Variants in CHID1 observed in about 807,000 individuals in gnomAD.
CHID1 encodes chitinase domain containing 1, also known as chitinase domain-containing protein 1.
In CHID1, 44 loss-of-function variants were observed where a neutral mutation model predicts 55.4. The ratio of observed to expected loss-of-function variants is 0.79; its 90% confidence interval spans 0.62 to 1.02. The LOEUF (loss-of-function observed/expected upper bound fraction) is 1.02, where lower values mean the gene tolerates loss of function less well. CHID1 is among the 50% of genes least tolerant of loss of function. CHID1 has a pLI of 0.00. For synonymous variants in CHID1, 216 were observed against 212.9 expected (o/e 1.01, Z -0.13); for missense variants, 491 against 515.3 (o/e 0.95, Z 0.46).
At chr11:909,421 A>G (rs951857936) in intron 1 of CHID1, among the ~76,000 whole-genome samples, 1 of 152,174 alleles carries the variant, frequency 6.6e-6, no homozygotes. Flanking sequence ...GCTCTGTAAC[A>G]AGATAAGGTG....
intron 7 of CHID1, among the ~76,000 whole-genome samples, chr11:893,859 C>T (rs1436485567): frequency 1.3e-4 from 19 of 151,750 alleles, no homozygotes; most frequent in African/African-American, 3.6e-4. Flanking sequence ...AAGCTGGGCA[C>T]GGTGGCTCAC....
chr11:888,571 G>A (rs868393619), intron 8 of CHID1, among the ~76,000 whole-genome samples: 9 of 152,236 alleles, frequency 5.9e-5, no homozygotes, highest in African/African-American at 1.2e-4. Flanking sequence ...CGTGACTTCC[G>A]ATGAACAGGA....
At chr11:894,077 G>A (rs1323546215) in intron 7 of CHID1, among the ~76,000 whole-genome samples, 34 of 126,602 alleles carry the variant, frequency 2.7e-4, no homozygotes, top group Non-Finnish European at 3.7e-4. Context: ...AGCTGAGATC[G>A]CACCACTGCA....
At chr11:882,297 C>T in intron 10 of CHID1, 1 of 152,236 alleles carries the variant, frequency 6.6e-6, no homozygotes, top group Admixed American at 6.5e-5. Context: ...TGCACTCCAG[C>T]CTGGGCGACA....
intron 11 of CHID1, 58 bp from the exon 12 acceptor site, chr11:870,221 TCA>T (rs1849073031): frequency 3.7e-6 from 6 of 1,607,302 alleles, no homozygotes; most frequent in Non-Finnish European, 5.1e-6. Flanking sequence ...CCTCCTCCCC[TCA>T]CAGCCAAGGT....
Position 875,288 on chromosome 11 carries a change from C to A in CHID1, c.960-4789G>T, listed in dbSNP as rs986933565. On this transcript the variant is annotated intron_variant, in intron 10 of 12. Coordinates refer to ENST00000323578, the MANE Select transcript of CHID1 (RefSeq NM_023947.4). The surrounding 1 kb of genome is among the most constrained non-coding windows in gnomAD (Gnocchi z 4.7). ...CAGCCCTCCTCGGTGGGTGGCCATC[C>A]TTCTTCGGGGCTGTCCTGTCTGAAA... Among the ~76,000 whole-genome samples, 6 of 152,242 alleles carry A rather than the reference C, an allele frequency of 3.9e-5. No individual in the cohort carries two copies. The highest frequency in any genetic ancestry group is 8.8e-5 in the Non-Finnish European group (6 of 68,042).
At chr11:904,912 G>A (rs1050598970) in intron 1 of CHID1, 53 bp from the exon 2 acceptor site, 32 of 1,579,826 alleles carry the variant, frequency 2.0e-5, no homozygotes, top group South Asian at 1.8e-4. Context: ...TGCAGCACAT[G>A]GGCAACCCCT....
At chr11:914,640 T>C (rs1009263560), upstream of CHID1, 2 of 1,119,434 alleles carry the variant, frequency 1.8e-6, no homozygotes, top group Non-Finnish European at 1.2e-6. Flanking sequence ...GGCTGATCAC[T>C]TGAGCCCAGG....
At chr11:911,849 G>C (rs1050720044), upstream of CHID1, among the ~76,000 whole-genome samples, 2 of 152,178 alleles carry the variant, frequency 1.3e-5, no homozygotes, top group African/African-American at 4.8e-5. Context: ...CTGACCTTTG[G>C]GGGTGAAGAC....
At chr11:876,556 C>T (rs1296113533) in intron 10 of CHID1, among the ~76,000 whole-genome samples, 1 of 152,202 alleles carries the variant, frequency 6.6e-6, no homozygotes, top group East Asian at 1.9e-4. Context: ...AGGGAAGACA[C>T]TGGTGGCTGT....
intron 1 of CHID1, among the ~76,000 whole-genome samples, chr11:905,336 C>T (rs879799956): frequency 6.6e-5 from 10 of 152,318 alleles, no homozygotes; most frequent in African/African-American, 1.4e-4. Context: ...CTCAGGAGTT[C>T]GAGACCAGCC....
chr11:907,354 G>T (rs753016577), intron 1 of CHID1, among the ~76,000 whole-genome samples: 1 of 152,100 alleles, frequency 6.6e-6, no homozygotes, highest in African/African-American at 2.4e-5. Context: ...GGTGGCAGGC[G>T]CCTGTAGTCC....
At chr11:886,373 G>A (rs1850397156) in intron 8 of CHID1, among the ~76,000 whole-genome samples, 1 of 150,856 alleles carries the variant, frequency 6.6e-6, no homozygotes, top group South Asian at 2.1e-4. Flanking sequence ...GTGGGAGGAT[G>A]GCTTGAGCCC....
chr11:895,263 C>T (rs1028861474), intron 7 of CHID1, among the ~76,000 whole-genome samples: 14 of 152,104 alleles, frequency 9.2e-5, no homozygotes, highest in African/African-American at 3.4e-4. Flanking sequence ...GGTGGGATGG[C>T]CTTCCTCCAG....
chr11:899,961 C>CG (rs766744613), intron 6 of CHID1, 43 bp downstream of exon 6: 6 of 1,497,262 alleles, frequency 4.0e-6, no homozygotes, highest in Admixed American at 1.7e-5. Flanking sequence ...AGGTGGGACC[C>CG]GGGGGGCTGT....
At chr11:883,092 A>T (rs1850118854) in intron 10 of CHID1, 56 bp downstream of exon 10, 1 of 1,562,702 alleles carries the variant, frequency 6.4e-7, no homozygotes. Context: ...CCTTACACCC[A>T]CACCCACCCG....
intron 8 of CHID1, among the ~76,000 whole-genome samples, chr11:886,076 G>A (rs888588619): frequency 5.3e-5 from 8 of 150,894 alleles, no homozygotes; most frequent in African/African-American, 1.7e-4. Flanking sequence ...GTGTGAAACC[G>A]GGAAGTGAAG....
intron 8 of CHID1, among the ~76,000 whole-genome samples, chr11:892,741 A>G (rs960065947): frequency 6.6e-6 from 1 of 152,168 alleles, no homozygotes; most frequent in African/African-American, 2.4e-5. Context: ...ATCAGCGGAG[A>G]GCCCTGGAAA....
chr11:891,805 G>A (rs886398330), intron 8 of CHID1, among the ~76,000 whole-genome samples: 1 of 152,088 alleles, frequency 6.6e-6, no homozygotes, highest in Non-Finnish European at 1.5e-5. Context: ...TTCAAACCCT[G>A]GGAACACAGG....
Sources: allele counts gnomAD v4.1 joint callset (sites outside exome capture counted in the v4.1 genomes callset), GRCh38; gene constraint gnomAD v4.1.1; non-coding constraint Gnocchi (gnomAD v3.1); transcripts MANE v1.5; gene names NCBI Gene and HGNC (gene_info 2026-07-23, HGNC 2026-07-21).